ANP32E: variants seen among roughly 807,000 people sequenced by gnomAD.
The protein encoded by ANP32E is acidic nuclear phosphoprotein 32 family member E.
Under a neutral mutation model 35.3 loss-of-function variants are expected in ANP32E, and 14 were observed. The ratio of observed to expected loss-of-function variants is 0.40; its 90% CI spans 0.26 to 0.62. ANP32E has a LOEUF of 0.62. ANP32E is among the 20% of genes least tolerant of loss of function. ANP32E has a pLI of 0.45. For missense variants in ANP32E, 198 were observed against 304.4 expected, an observed-to-expected ratio of 0.65 and a Z score of 2.60; for synonymous variants, 89 against 110.4, an observed-to-expected ratio of 0.81 and a Z score of 1.22.
chr1:150,227,389 A>G (rs933869581), intron 4 of ANP32E, among the ~76,000 whole-genome samples: 1 of 152,198 alleles, frequency 6.6e-6, no homozygotes, highest in Non-Finnish European at 1.5e-5. Context: ...AATGTAGAAC[A>G]TACACATGAT....
intron 2 of ANP32E, among the ~76,000 whole-genome samples, chr1:150,230,989 C>T (rs1172326347): frequency 1.3e-5 from 2 of 152,042 alleles, no homozygotes; most frequent in Non-Finnish European, 2.9e-5. Context: ...GTGATCCACC[C>T]GCCTCGGCCT....
Position 150,226,753 on chromosome 1 carries a change from C to T in ANP32E, c.536G>A (p.Gly179Asp). 1.3e-6 allele frequency: 2 copies of T among 1,595,568 alleles called. No individual in the cohort carries two copies. The highest frequency in any genetic ancestry group is 1.7e-6 in the Non-Finnish European group (2 of 1,165,356). The change falls in exon 5 of 7, where the codon GGT becomes GAT. Residue 179 changes from glycine (G) to aspartate (D), a missense_variant. Gly to Asp is a moderately conservative substitution (Grantham distance 94). This residue lies in a region of ANP32E where 121 missense variants were observed against 137.3 expected (regional missense o/e 0.88). Coordinates refer to ENST00000583931, the MANE Select transcript of ANP32E (RefSeq NM_030920.5). ...DDEEEEENEA[G>D]PPEGYEEEEE... Reference sequence around the variant, plus strand: ...CTCTTCCTCATATCCTTCCGGTGGACCAGCTTCATTTTCCTCTTCCTCTTC... The same window carrying T: ...CTCTTCCTCATATCCTTCCGGTGGATCAGCTTCATTTTCCTCTTCCTCTTC...
At chr1:150,234,633 C>G (rs1649631394) in intron 1 of ANP32E, 1 of 985,632 alleles carries the variant, frequency 1.0e-6, no homozygotes, top group Non-Finnish European at 1.2e-6. Context: ...GCGAGGCTCC[C>G]CGCTGGCCAC....
At chr1:150,233,374 T>C (rs6587753) in intron 1 of ANP32E, among the ~76,000 whole-genome samples, 83,406 of 151,162 alleles carry the variant, frequency 0.55, 25,808 homozygotes, top group African/African-American at 0.86. Context: ...ACTCAAAAAA[T>C]CCTCCTTACC....
rs587616202 is a variant in ANP32E at position 150,220,339 on chromosome 1, T to G, written c.*352A>C. 74 of 159,382 alleles carry G rather than the reference T, an allele frequency of 4.6e-4. 3 individuals are homozygous for G. The South Asian group carries it at 0.013, about 28-fold the overall frequency. The allele number at this position is 159,382 out of a possible 1,614,324, so 9.9% of individuals were successfully genotyped here. On this transcript the variant is annotated 3_prime_UTR_variant, in exon 7 of 7. Transcript: ENST00000583931. ...ATAGCAAACTGTAATTTCAGTTAAT[T>G]TATAAATAAGGAATGAAATGCACCA...
intron 5 of ANP32E, among the ~76,000 whole-genome samples, chr1:150,225,170 T>G (rs1481642720): frequency 6.6e-6 from 1 of 152,142 alleles, no homozygotes; most frequent in African/African-American, 2.4e-5. Context: ...ATGATTTGGG[T>G]GGTGGTTGCA....
chr1:150,231,464 G>A (rs587732796), intron 2 of ANP32E, among the ~76,000 whole-genome samples: 40 of 150,230 alleles, frequency 2.7e-4, no homozygotes, highest in East Asian at 7.9e-4. Flanking sequence ...GTGTGGTGGC[G>A]CATGCCTGTA....
intron 2 of ANP32E, among the ~76,000 whole-genome samples, chr1:150,230,898 A>G (rs1553841555): frequency 6.6e-6 from 1 of 152,074 alleles, no homozygotes; most frequent in Non-Finnish European, 1.5e-5. Context: ...GCCCACCACC[A>G]CACCCAGCTA....
intron 1 of ANP32E, chr1:150,234,491 G>C: frequency 1.4e-6 from 1 of 709,694 alleles, no homozygotes; most frequent in Non-Finnish European, 1.7e-6. Flanking sequence ...GACAGACCCT[G>C]CTCATCCTCT....
Position 150,235,158 on chromosome 1 carries a change from C to A in ANP32E, c.54+575G>T, listed in dbSNP as rs374144264. ...ATTCCGCCGGGCGAAGGGCAGAGGG[C>A]GGCGCGCGCGGCTTCCCGGAGGAGT... On this transcript the variant is annotated intron_variant, in intron 1 of 6. Transcript: ENST00000583931. The surrounding 1 kb of genome is among the most constrained non-coding windows in gnomAD (Gnocchi z 4.2). Among the ~76,000 whole-genome samples, 38 of 152,214 alleles carry A rather than the reference C, an allele frequency of 2.5e-4. 1 individual carries two copies. The highest frequency in any genetic ancestry group is 1.3e-3 in the East Asian group (7 of 5,198).
In ANP32E at chr1:150,235,572, T is replaced by C. The variant is rs917379975; in HGVS notation, c.54+161A>G. ...CTTCGCCATTTTAAGTAGAAGATTT[T>C]AATGATTTAAAACTTAAAATTAAAC... is the stretch of plus-strand genomic sequence containing the variant. On this transcript the variant is annotated intron_variant, in intron 1 of 6. Coordinates refer to ENST00000583931, the MANE Select transcript of ANP32E (RefSeq NM_030920.5). This position sits in a 1 kb window ranked among gnomAD's most constrained non-coding sequence, Gnocchi z 4.2. Among the ~76,000 whole-genome samples the C allele has an allele frequency of 6.6e-6, 1 of 152,196 alleles. No individual in the cohort carries two copies. The highest frequency in any genetic ancestry group is 2.4e-5 in the African/African-American group (1 of 41,458).
intron 5 of ANP32E, among the ~76,000 whole-genome samples, chr1:150,223,718 A>T (rs1441552546): frequency 2.3e-3 from 2 of 880 alleles, no homozygotes; most frequent in Non-Finnish European, 3.7e-3. Flanking sequence ...CTAAATCTGT[A>T]GTCTTTTTTT....
Sources: allele counts gnomAD v4.1 joint callset (sites outside exome capture counted in the v4.1 genomes callset), GRCh38; gene constraint gnomAD v4.1.1; regional missense constraint gnomAD v4.1.1; non-coding constraint Gnocchi (gnomAD v3.1); transcripts MANE v1.5; gene names NCBI Gene and HGNC (gene_info 2026-07-23, HGNC 2026-07-21).